Variants in HIVEP1 observed in about 807,000 individuals in gnomAD.
The protein encoded by HIVEP1 is HIVEP zinc finger 1.
In HIVEP1, 36 loss-of-function variants were observed where a neutral mutation model predicts 180.0. The ratio of observed to expected loss-of-function variants is 0.20; its 90% confidence interval spans 0.15 to 0.26. The LOEUF is 0.26. Ranked by LOEUF, HIVEP1 falls within the 10% of genes least tolerant of loss-of-function variation. The pLI, the probability that HIVEP1 is intolerant of heterozygous loss-of-function variation, is 1.00. For synonymous variants in HIVEP1, 1,239 were observed against 1,239.0 expected (o/e 1.00, Z 0.00); for missense variants, 3,143 against 3,268.7 (o/e 0.96, Z 0.94).
intron 2 of HIVEP1, among the ~76,000 whole-genome samples, chr6:12,071,122 C>G (rs1771941023): frequency 6.6e-6 from 1 of 152,172 alleles, no homozygotes; most frequent in South Asian, 2.1e-4. Context: ...TCTCATGTTC[C>G]AAATTCATTG....
At chr6:12,029,707 C>A (rs911387931) in intron 2 of HIVEP1, among the ~76,000 whole-genome samples, 2 of 152,070 alleles carry the variant, frequency 1.3e-5, no homozygotes, top group Admixed American at 1.3e-4. Flanking sequence ...TCTCCAGTAT[C>A]TCCTTTTCTT....
chr6:12,150,012 G>A (rs1759608078), intron 7 of HIVEP1, among the ~76,000 whole-genome samples: 1 of 152,166 alleles, frequency 6.6e-6, no homozygotes, highest in Admixed American at 6.5e-5. Flanking sequence ...GTTTAATGAA[G>A]CAGGAGGAAT....
chr6:12,177,390 G>A, the HIVEP1 span, among the ~76,000 whole-genome samples: 1 of 152,182 alleles, frequency 6.6e-6, no homozygotes, highest in African/African-American at 2.4e-5. Flanking sequence ...TGGAGACTGT[G>A]CTTGGGATTT....
rs202184932 is a variant in HIVEP1 at position 12,122,951 on chromosome 6, A to G, written c.3156A>G (p.Pro1052=). 2.4e-5 allele frequency: 38 copies of G among 1,613,926 alleles called. No homozygotes were observed. The highest frequency in any genetic ancestry group is 3.0e-5 in the Non-Finnish European group (35 of 1,179,960). Residue 1052 remains proline, a synonymous_variant, in exon 4 of 9, where the codon CCA becomes CCG. Transcript: ENST00000379388. ...AGCAAAATGAAAGTGGAACATCTCC[A>G]AAAAGTTCTGAAGGCCTTCAGTTTC... ...ELQQNESGTS[P]KSSEGLQFQN...
At chr6:12,031,551 TG>T (rs1230352116) in intron 2 of HIVEP1, among the ~76,000 whole-genome samples, 1 of 152,218 alleles carries the variant, frequency 6.6e-6, no homozygotes, top group Non-Finnish European at 1.5e-5. Flanking sequence ...GCTCCAAATC[TG>T]GTGAACCTGG....
chr6:12,134,151 G>A (rs1223745772), intron 6 of HIVEP1, among the ~76,000 whole-genome samples: 2 of 152,190 alleles, frequency 1.3e-5, no homozygotes, highest in African/African-American at 2.4e-5. Flanking sequence ...TCACATAAAA[G>A]TAGAGATCTG....
intron 3 of HIVEP1, among the ~76,000 whole-genome samples, chr6:12,114,756 C>A (rs1775114801): frequency 6.6e-6 from 1 of 152,142 alleles, no homozygotes; most frequent in South Asian, 2.1e-4. Context: ...TTGAAAATTT[C>A]TTGTCCTGAA....
At chr6:12,114,141 C>CA (rs1327223255) in intron 3 of HIVEP1, among the ~76,000 whole-genome samples, 4 of 152,164 alleles carry the variant, frequency 2.6e-5, no homozygotes, top group Non-Finnish European at 2.9e-5. Context: ...GCCATATCCC[C>CA]AGGAGAGCGC....
intron 3 of HIVEP1, among the ~76,000 whole-genome samples, chr6:12,097,954 A>G (rs945202567): frequency 4.6e-5 from 7 of 152,190 alleles, no homozygotes; most frequent in African/African-American, 1.7e-4. Context: ...TGAGCCATTC[A>G]TTAGAGACTT....
chr6:12,090,667 A>G (rs1248601956), intron 3 of HIVEP1, among the ~76,000 whole-genome samples: 1 of 150,060 alleles, frequency 6.7e-6, no homozygotes, highest in African/African-American at 2.5e-5. Flanking sequence ...ACTTAAACGC[A>G]TGAGGCATTT....
the HIVEP1 span, among the ~76,000 whole-genome samples, chr6:12,192,485 T>C: frequency 6.6e-6 from 1 of 152,220 alleles, no homozygotes; most frequent in African/African-American, 2.4e-5. Flanking sequence ...TGTTGAATTG[T>C]AATTCCCAGT....
At chr6:12,170,586 T>A in the HIVEP1 span, among the ~76,000 whole-genome samples, 1 of 152,116 alleles carries the variant, frequency 6.6e-6, no homozygotes, top group South Asian at 2.1e-4. Flanking sequence ...GCATAACACA[T>A]AAGCAAATAG....
At chr6:12,018,695 T>A (rs1036898016) in intron 2 of HIVEP1, among the ~76,000 whole-genome samples, 11 of 152,174 alleles carry the variant, frequency 7.2e-5, no homozygotes, top group African/African-American at 2.7e-4. Flanking sequence ...TTCTTAAGGC[T>A]GGGAAGTTAT....
chr6:12,168,034 T>C (rs557071317), downstream of HIVEP1, among the ~76,000 whole-genome samples: 3 of 43,420 alleles, frequency 6.9e-5, 1 homozygote, highest in African/African-American at 2.1e-4. Flanking sequence ...ATGTATATAT[T>C]ATATATACAT....
In HIVEP1 at chr6:12,121,325, C is replaced by T. The variant is rs1317683122; in HGVS notation, c.1530C>T (p.Ala510=). Residue 510 remains alanine, a synonymous_variant, in exon 4 of 9, where the codon GCC becomes GCT. Transcript: ENST00000379388. The surrounding 1 kb of genome is among the most constrained non-coding windows in gnomAD (Gnocchi z 5.3). ...ATGAGAGACAGCATGACCTGGGCGC[C>T]ATGGAGCTGCAGCCTGTGCACATAA... ...ATDERQHDLG[A]MELQPVHIIK... is the part of the protein sequence containing the mutation. 1 of 1,613,978 alleles carries T rather than the reference C, an allele frequency of 6.2e-7. No homozygotes were observed. The highest frequency in any genetic ancestry group is 8.5e-7 in the Non-Finnish European group (1 of 1,180,016).
At chr6:12,195,440 G>A in the HIVEP1 span, among the ~76,000 whole-genome samples, 1 of 151,880 alleles carries the variant, frequency 6.6e-6, no homozygotes, top group Admixed American at 6.6e-5. Flanking sequence ...CAACATGCAG[G>A]CAAGATGTCA....
intron 2 of HIVEP1, among the ~76,000 whole-genome samples, chr6:12,073,896 A>G (rs13219465): frequency 0.15 from 23,118 of 151,982 alleles, 2,323 homozygotes; most frequent in Non-Finnish European, 0.23. Flanking sequence ...GGTGAATTTG[A>G]GTGCCCCCGG....
At chr6:12,085,196 CACA>C (rs1382353781) in intron 2 of HIVEP1, among the ~76,000 whole-genome samples, 1 of 152,040 alleles carries the variant, frequency 6.6e-6, no homozygotes, top group East Asian at 1.9e-4. Flanking sequence ...GGGTTCTGTG[CACA>C]ACGTTTACTG....
At chr6:12,058,931 G>C (rs1467218827) in intron 2 of HIVEP1, among the ~76,000 whole-genome samples, 1 of 151,968 alleles carries the variant, frequency 6.6e-6, no homozygotes, top group Non-Finnish European at 1.5e-5. Flanking sequence ...CATAGACATA[G>C]ACATTCATGC....
Sources: allele counts gnomAD v4.1 joint callset (sites outside exome capture counted in the v4.1 genomes callset), GRCh38; gene constraint gnomAD v4.1.1; non-coding constraint Gnocchi (gnomAD v3.1); transcripts MANE v1.5; gene names NCBI Gene and HGNC (gene_info 2026-07-23, HGNC 2026-07-21).